Variants in PTPRG observed in about 807,000 individuals in gnomAD.
The protein encoded by PTPRG is protein tyrosine phosphatase receptor type G, also known as receptor-type tyrosine-protein phosphatase gamma.
A neutral mutation model predicts 165.3 loss-of-function variants in PTPRG; 102 were observed. That is an observed-to-expected ratio of 0.62 (90% confidence interval 0.53 to 0.73). The LOEUF is 0.73. Ranked by LOEUF, PTPRG falls within the 30% of genes least tolerant of loss-of-function variation. PTPRG has a pLI of 0.00. For synonymous variants in PTPRG, 675 were observed against 669.5 expected (o/e 1.01, Z -0.13); for missense variants, 1,866 against 1,861.4 (o/e 1.00, Z -0.05).
intron 2 of PTPRG, among the ~76,000 whole-genome samples, chr3:61,864,694 G>A (rs919991009): frequency 2.7e-5 from 4 of 147,664 alleles, no homozygotes; most frequent in African/African-American, 9.7e-5. Context: ...GCCACCTGGA[G>A]CATTCCAATA....
chr3:61,911,067 C>A (rs1357809754), intron 2 of PTPRG, among the ~76,000 whole-genome samples: 1 of 152,222 alleles, frequency 6.6e-6, no homozygotes, highest in Non-Finnish European at 1.5e-5. Flanking sequence ...AACGTCTACT[C>A]TTCCAGTTTC....
intron 4 of PTPRG, among the ~76,000 whole-genome samples, chr3:62,033,841 C>T (rs955455456): frequency 7.7e-4 from 118 of 152,302 alleles, no homozygotes; most frequent in African/African-American, 2.7e-3. Flanking sequence ...GACCTCAGCT[C>T]ACTGCAACCT....
rs542306888 is a variant in PTPRG at position 62,069,684 on chromosome 3, T to TCTCTCTCTCTCACA, written c.520-8478_520-8477insTCTCTCTCTCACAC. On this transcript the variant is annotated intron_variant, in intron 4 of 29. Transcript: ENST00000474889. ...CTCTCTCTCTCTCTCTCTCTCTCTC[T>TCTCTCTCTCTCACA]CACACACAGACACACGCACACACAC... is the stretch of plus-strand genomic sequence containing the variant. Among the ~76,000 whole-genome samples, 18 of 145,054 alleles carry TCTCTCTCTCTCACA rather than the reference T, an allele frequency of 1.2e-4. 1 individual carries two copies. Among genetic ancestry groups the TCTCTCTCTCTCACA allele is most frequent in the Admixed American group, 6.9e-4 (10 of 14,438 alleles).
chr3:61,775,435 C>A (rs1299129730), intron 2 of PTPRG, among the ~76,000 whole-genome samples: 1 of 152,150 alleles, frequency 6.6e-6, no homozygotes, highest in Non-Finnish European at 1.5e-5. Flanking sequence ...GCTTGCAATG[C>A]AACATGGCCT....
At chr3:61,999,889 A>T (rs2041129404) in intron 3 of PTPRG, among the ~76,000 whole-genome samples, 1 of 152,226 alleles carries the variant, frequency 6.6e-6, no homozygotes, top group African/African-American at 2.4e-5. Context: ...TTAGCACCCA[A>T]CTATGATTTT....
chr3:61,862,766 C>G (rs895819712), intron 2 of PTPRG, among the ~76,000 whole-genome samples: 10 of 152,122 alleles, frequency 6.6e-5, no homozygotes, highest in African/African-American at 2.4e-4. Context: ...TTTTCCAGAC[C>G]TGCTTGTAAA....
intron 2 of PTPRG, among the ~76,000 whole-genome samples, chr3:61,903,193 A>G (rs2038543921): frequency 6.6e-6 from 1 of 152,020 alleles, no homozygotes; most frequent in Non-Finnish European, 1.5e-5. Flanking sequence ...CCCACCATGA[A>G]CATGCAGATT....
chr3:61,987,922 T>C (rs925245833), intron 2 of PTPRG, among the ~76,000 whole-genome samples: 4 of 152,176 alleles, frequency 2.6e-5, no homozygotes, highest in African/African-American at 7.2e-5. Context: ...TGGCTAAATA[T>C]ATGGCAAATG....
intron 2 of PTPRG, among the ~76,000 whole-genome samples, chr3:61,762,553 G>C (rs2033886465): frequency 6.6e-6 from 1 of 152,200 alleles, no homozygotes; most frequent in African/African-American, 2.4e-5. Context: ...GGAGGTTGAA[G>C]TGAGCCGAGA....
intron 2 of PTPRG, among the ~76,000 whole-genome samples, chr3:61,974,331 A>G (rs534169469): frequency 6.6e-6 from 1 of 152,194 alleles, no homozygotes; most frequent in African/African-American, 2.4e-5. Context: ...AGGTGGGCAG[A>G]TCACCTGAGG....
intron 1 of PTPRG, among the ~76,000 whole-genome samples, chr3:61,682,167 A>AAAAAT (rs61686807): frequency 6.6e-6 from 1 of 151,086 alleles, no homozygotes; most frequent in Non-Finnish European, 1.5e-5. Context: ...AAAAAAAAAA[A>AAAAAT]GTGAACTGGT....
At chr3:61,735,127 AATTT>A (rs1222298799) in intron 1 of PTPRG, among the ~76,000 whole-genome samples, 1 of 152,216 alleles carries the variant, frequency 6.6e-6, no homozygotes, top group African/African-American at 2.4e-5. Flanking sequence ...TCATATAATT[AATTT>A]AAGAAATTGC....
chr3:61,813,247 G>A (rs992299829), intron 2 of PTPRG, among the ~76,000 whole-genome samples: 1 of 149,678 alleles, frequency 6.7e-6, no homozygotes. Flanking sequence ...TGTAATATCA[G>A]CACTTTGGGA....
intron 8 of PTPRG, among the ~76,000 whole-genome samples, chr3:62,175,698 C>G (rs1193010226): frequency 6.6e-6 from 1 of 152,134 alleles, no homozygotes; most frequent in Non-Finnish European, 1.5e-5. Context: ...ATAAACAAGT[C>G]CACTGATGAT....
At chr3:61,643,017 A>G (rs937123057) in intron 1 of PTPRG, among the ~76,000 whole-genome samples, 2 of 152,224 alleles carry the variant, frequency 1.3e-5, no homozygotes, top group Non-Finnish European at 2.9e-5. Flanking sequence ...ACACGAAAAC[A>G]TGGTAAAACA....
At chr3:62,241,638 GA>G (rs908675009) in intron 14 of PTPRG, among the ~76,000 whole-genome samples, 7 of 150,014 alleles carry the variant, frequency 4.7e-5, no homozygotes, top group African/African-American at 7.4e-5. Context: ...GTCTTGTAGG[GA>G]AAAAAAAATC....
intron 20 of PTPRG, among the ~76,000 whole-genome samples, chr3:62,269,645 A>G (rs1024044586): frequency 1.3e-5 from 2 of 152,200 alleles, no homozygotes; most frequent in East Asian, 1.9e-4. Flanking sequence ...TACAGTGAAC[A>G]TAAGTGACCA....
At chr3:61,671,089 A>T (rs1267850996) in intron 1 of PTPRG, among the ~76,000 whole-genome samples, 1 of 150,360 alleles carries the variant, frequency 6.7e-6, no homozygotes, top group Non-Finnish European at 1.5e-5. Flanking sequence ...CTCGGGGAAG[A>T]TTATTTTGTT....
intron 1 of PTPRG, among the ~76,000 whole-genome samples, chr3:61,636,334 G>A (rs765504985): frequency 1.9e-4 from 29 of 152,168 alleles, no homozygotes; most frequent in Non-Finnish European, 3.1e-4. Flanking sequence ...ACCTATTTTC[G>A]TTAAACACCT....
Sources: gnomAD v4.1 joint callset for allele counts (sites outside exome capture counted in the v4.1 genomes callset) on GRCh38, gnomAD v4.1.1 for gene constraint, MANE v1.5 for transcripts, NCBI Gene and HGNC (gene_info 2026-07-23, HGNC 2026-07-21) for gene names.